AGMO: variants seen among roughly 807,000 people sequenced by gnomAD.
AGMO encodes the protein alkylglycerol monooxygenase, also known as glyceryl-ether monooxygenase.
AGMO carries 75 observed loss-of-function variants against 60.2 expected under a neutral mutation model. The observed-to-expected ratio is 1.25, with a 90% CI of 1.03 to 1.51. The LOEUF (loss-of-function observed/expected upper bound fraction) is 1.51, where lower values mean the gene tolerates loss of function less well. Among genes scored for constraint, AGMO ranks in the 40% most tolerant of loss-of-function variants. The pLI is 0.00. For synonymous variants in AGMO, 261 were observed against 177.1 expected, an observed-to-expected ratio of 1.47 and a Z score of -3.76; for missense variants, 763 against 525.5, an observed-to-expected ratio of 1.45 and a Z score of -4.42.
intron 3 of AGMO, among the ~76,000 whole-genome samples, chr7:15,509,485 A>G (rs2128529465): frequency 6.6e-6 from 1 of 152,284 alleles, no homozygotes; most frequent in African/African-American, 2.4e-5. Flanking sequence ...AAATACCAGA[A>G]GAAAACATAT....
At chr7:15,461,909 CA>C (rs1782153389) in intron 3 of AGMO, among the ~76,000 whole-genome samples, 1 of 152,006 alleles carries the variant, frequency 6.6e-6, no homozygotes, top group African/African-American at 2.4e-5. Context: ...AAAAGTATTA[CA>C]AACATTAAAA....
intron 10 of AGMO, among the ~76,000 whole-genome samples, chr7:15,382,121 A>T (rs2128481682): frequency 6.6e-6 from 1 of 152,256 alleles, no homozygotes; most frequent in East Asian, 1.9e-4. Context: ...CTCATGACAC[A>T]AGTTTACCTA....
the AGMO span, among the ~76,000 whole-genome samples, chr7:15,136,020 T>C: frequency 1.5e-5 from 2 of 132,092 alleles, no homozygotes. Context: ...TGAGACGGAG[T>C]TTTGCTCTTG....
chr7:15,387,642 AT>A (rs1783971521), intron 8 of AGMO, 102 bp from the exon 9 acceptor site: 2 of 1,000,732 alleles, frequency 2.0e-6, no homozygotes, highest in Admixed American at 6.3e-5. Context: ...TAATTTACGT[AT>A]TTAAAACGTT....
intron 12 of AGMO, among the ~76,000 whole-genome samples, chr7:15,258,437 C>T (rs970364114): frequency 6.6e-6 from 1 of 151,532 alleles, no homozygotes; most frequent in Non-Finnish European, 1.5e-5. Context: ...CCCAGCTACT[C>T]GGGAGGCTGA....
intron 12 of AGMO, among the ~76,000 whole-genome samples, chr7:15,218,083 C>T (rs964888033): frequency 4.0e-5 from 6 of 151,512 alleles, no homozygotes; most frequent in South Asian, 2.1e-4. Context: ...AGAAAAAAGA[C>T]GTATAAACGG....
At chr7:15,514,710 GA>G (rs1783765267) in intron 3 of AGMO, among the ~76,000 whole-genome samples, 1 of 152,074 alleles carries the variant, frequency 6.6e-6, no homozygotes, top group Non-Finnish European at 1.5e-5. Flanking sequence ...TCAAGAAAGG[GA>G]AAAAAGTTCT....
At chr7:15,545,931 A>T (rs1784769726) in intron 2 of AGMO, among the ~76,000 whole-genome samples, 2 of 152,016 alleles carry the variant, frequency 1.3e-5, no homozygotes, top group Non-Finnish European at 2.9e-5. Flanking sequence ...GTCATCAACA[A>T]GTTTGGTGCT....
At chr7:15,531,822 C>T (rs567217533) in intron 3 of AGMO, among the ~76,000 whole-genome samples, 1 of 150,804 alleles carries the variant, frequency 6.6e-6, no homozygotes, top group Non-Finnish European at 1.5e-5. Flanking sequence ...GTGCCCAACA[C>T]CATGCCCAGC....
intron 3 of AGMO, among the ~76,000 whole-genome samples, chr7:15,521,578 T>C (rs1305380581): frequency 2.0e-5 from 3 of 152,016 alleles, no homozygotes; most frequent in Non-Finnish European, 4.4e-5. Context: ...ATCACATAAA[T>C]GGAACCAATG....
Position 15,390,703 on chromosome 7 carries a change from G to T in AGMO, c.790C>A (p.Pro264Thr). Residue 264 changes from proline (P) to threonine (T), a missense_variant, in exon 8 of 13, where the codon CCC becomes ACC. Coordinates refer to ENST00000342526, the MANE Select transcript of AGMO (RefSeq NM_001004320.2). ...NEKVVYGLTH[P>T]INTFEPIKVQ... ...TTGATTGGTTCAAATGTATTAATGG[G>T]ATGTGTTAAGCCATATACAACTTTT... is the stretch of plus-strand genomic sequence containing the variant. 6.2e-7 allele frequency: 1 copy of T among 1,609,814 alleles called. No individual in the cohort carries two copies. The highest frequency in any genetic ancestry group is 8.5e-7 in the Non-Finnish European group (1 of 1,177,272).
the AGMO span, among the ~76,000 whole-genome samples, chr7:15,173,298 A>G: frequency 6.6e-6 from 1 of 152,164 alleles, no homozygotes; most frequent in Non-Finnish European, 1.5e-5. Flanking sequence ...GGACATTCCT[A>G]TTTCTTGAAA....
chr7:15,381,050 AT>A (rs1783663824), intron 10 of AGMO, among the ~76,000 whole-genome samples: 1 of 152,194 alleles, frequency 6.6e-6, no homozygotes, highest in African/African-American at 2.4e-5. Context: ...AAAGACTTAA[AT>A]GTGAAACCTA....
intron 3 of AGMO, among the ~76,000 whole-genome samples, chr7:15,496,437 A>G (rs1041518880): frequency 6.6e-6 from 1 of 152,146 alleles, no homozygotes; most frequent in Non-Finnish European, 1.5e-5. Context: ...TCTATTATAA[A>G]AGGCTTAGAT....
the AGMO span, among the ~76,000 whole-genome samples, chr7:15,177,799 T>G: frequency 1.3e-5 from 2 of 152,250 alleles, no homozygotes; most frequent in South Asian, 4.1e-4. Flanking sequence ...CTCCCTTCAA[T>G]AGACACAATT....
intron 12 of AGMO, among the ~76,000 whole-genome samples, chr7:15,320,724 G>A (rs189694969): frequency 6.6e-5 from 10 of 152,152 alleles, no homozygotes; most frequent in East Asian, 3.9e-4. Flanking sequence ...ATCACATAAT[G>A]TTATATATGC....
intron 3 of AGMO, among the ~76,000 whole-genome samples, chr7:15,543,160 C>T (rs1470899279): frequency 3.3e-5 from 5 of 152,212 alleles, no homozygotes; most frequent in Middle Eastern, 3.4e-3. Flanking sequence ...CCTTCCTCCA[C>T]ACCCACTCAA....
Position 15,524,096 on chromosome 7 carries a change from T to C in AGMO, c.409+20676A>G, listed in dbSNP as rs182643236. ...TATATGACATAGCAAATAATTAATA[T>C]ATACTATTATTATAAACTAAGATTT... On this transcript the variant is annotated intron_variant, in intron 3 of 12. Transcript: ENST00000342526. Among the ~76,000 whole-genome samples, 356 of 152,176 alleles carry C rather than the reference T, an allele frequency of 2.3e-3. 4 individuals carry two copies. Among genetic ancestry groups the C allele is most frequent in the Middle Eastern group, 0.014 (4 of 294 alleles).
intron 4 of AGMO, among the ~76,000 whole-genome samples, chr7:15,423,868 T>C (rs1297016892): frequency 2.0e-5 from 3 of 152,134 alleles, no homozygotes; most frequent in Non-Finnish European, 4.4e-5. Context: ...CATCTTGATG[T>C]CAGGCTTCCA....
Sources: gnomAD v4.1 joint callset for allele counts (sites outside exome capture counted in the v4.1 genomes callset) on GRCh38, gnomAD v4.1.1 for gene constraint, MANE v1.5 for transcripts, NCBI Gene and HGNC (gene_info 2026-07-23, HGNC 2026-07-21) for gene names.